Variants in HHLA2 observed in about 807,000 individuals in gnomAD.
The protein encoded by HHLA2 is HERV-H LTR-associating protein 2.
Under a neutral mutation model 45.9 loss-of-function variants are expected in HHLA2, and 48 were observed. The ratio of observed to expected loss-of-function variants is 1.05; its 90% confidence interval spans 0.83 to 1.33. The LOEUF (loss-of-function observed/expected upper bound fraction) is 1.33, where lower values mean the gene tolerates loss of function less well. Ranked by LOEUF, HHLA2 falls within the 40% of genes most tolerant of loss-of-function variation. The pLI is 0.00. For synonymous variants in HHLA2, 161 were observed against 173.9 expected (o/e 0.93, Z 0.59); for missense variants, 462 against 494.3 (o/e 0.93, Z 0.62).
intron 2 of HHLA2, among the ~76,000 whole-genome samples, chr3:108,320,451 C>T (rs114958262): frequency 0.024 from 3,651 of 152,238 alleles, 58 homozygotes; most frequent in Non-Finnish European, 0.036. Context: ...GCAAAGACCA[C>T]GATTACTTTT....
chr3:108,336,221 C>T (rs1274147233), intron 3 of HHLA2, among the ~76,000 whole-genome samples: 4 of 152,134 alleles, frequency 2.6e-5, no homozygotes, highest in Non-Finnish European at 4.4e-5. Flanking sequence ...TGACATTGTG[C>T]AATGGTCACT....
intron 8 of HHLA2, among the ~76,000 whole-genome samples, chr3:108,369,777 C>A (rs1019838327): frequency 2.0e-5 from 3 of 152,306 alleles, no homozygotes; most frequent in South Asian, 4.1e-4. Flanking sequence ...GGGCACCCAC[C>A]ATTGCCGAGG....
chr3:108,328,707 C>G (rs532888301), intron 3 of HHLA2, among the ~76,000 whole-genome samples: 1 of 152,102 alleles, frequency 6.6e-6, no homozygotes, highest in African/African-American at 2.4e-5. Context: ...TTTACTTTGT[C>G]TTATGACTAT....
At chr3:108,362,568 T>A in intron 8 of HHLA2, 122 bp downstream of exon 7, 1 of 675,388 alleles carries the variant, frequency 1.5e-6, no homozygotes, top group Non-Finnish European at 2.5e-6. Context: ...TGGAATGTCA[T>A]TCACAAAATT....
rs116498329 is a variant in HHLA2, at chr3:108,365,203, T to C, written c.1108+2757T>C. Among the ~76,000 whole-genome samples the C allele has an allele frequency of 3.3e-3, 509 of 152,280 alleles. 7 individuals are homozygous for C. Among genetic ancestry groups the C allele is most frequent in the African/African-American group, 0.012 (492 of 41,562 alleles). ...GTGTAAGGAAGGGGTCTAGCTTCTA[T>C]TTTCTGCATATGGCTAGCAAGTTTG... On this transcript the variant is annotated intron_variant, in intron 8 of 10. Transcript: ENST00000619531.
chr3:108,324,565 C>G (rs1432652410), intron 2 of HHLA2, among the ~76,000 whole-genome samples: 1 of 152,204 alleles, frequency 6.6e-6, no homozygotes, highest in African/African-American at 2.4e-5. Context: ...CCCTCCAAGT[C>G]ACTACCTTCT....
At chr3:108,296,580 G>A (rs1023439018) in exon 1 of HHLA2, 3 of 152,090 alleles carry the variant, frequency 2.0e-5, no homozygotes, top group Admixed American at 6.5e-5. Context: ...TTGACTAGAC[G>A]GTATGAATTT....
chr3:108,342,948 C>A (rs1233500483), intron 3 of HHLA2, among the ~76,000 whole-genome samples: 1 of 152,130 alleles, frequency 6.6e-6, no homozygotes, highest in Non-Finnish European at 1.5e-5. Context: ...GCCTGCATCT[C>A]TGTATTATGA....
At chr3:108,369,381 G>A (rs376260190) in intron 8 of HHLA2, among the ~76,000 whole-genome samples, 14 of 152,168 alleles carry the variant, frequency 9.2e-5, no homozygotes, top group Admixed American at 2.6e-4. Flanking sequence ...AGCTCCCAGC[G>A]TGAGCGACGC....
At chr3:108,355,429 G>C (rs745569888) in intron 6 of HHLA2, 48 bp downstream of exon 5, 12 of 1,555,062 alleles carry the variant, frequency 7.7e-6, no homozygotes, top group Non-Finnish European at 1.0e-5. Flanking sequence ...TCAAAGTTGG[G>C]GGGTAATGGG....
rs372264540 is a variant in HHLA2 at position 108,377,258 on chromosome 3, C to T, written c.1225C>T (p.Pro409Ser). ...TAGAGTCTATTTTTCTTGCTTCTAG[C>T]CTCTTTCAGGAAAAGTATAGGAAAT... Residue 409 changes from proline to serine, a missense_variant and splice_region_variant, in exon 11 of 11, where the codon CCT (proline) becomes TCT (serine). Around this residue, in one of 3 missense-constraint regions of HHLA2, gnomAD observed 123 missense variants for 110.5 expected, o/e 1.11. Coordinates refer to ENST00000619531, the Ensembl canonical transcript of HHLA2. 7.1e-6 allele frequency: 11 copies of T among 1,559,374 alleles called. No homozygotes were observed. In the African/African-American group the frequency reaches 9.5e-5, roughly 13 times the overall value.
chr3:108,329,160 G>T (rs541213969), intron 3 of HHLA2, among the ~76,000 whole-genome samples: 50 of 152,270 alleles, frequency 3.3e-4, no homozygotes, highest in Middle Eastern at 3.4e-3. Flanking sequence ...TATGTTCTCA[G>T]CATGTTAAGA....
intron 3 of HHLA2, among the ~76,000 whole-genome samples, chr3:108,331,041 C>T (rs988334115): frequency 2.6e-5 from 4 of 152,148 alleles, no homozygotes; most frequent in African/African-American, 9.7e-5. Context: ...GGCAAACAGT[C>T]TACAGCTGCC....
intron 7 of HHLA2, among the ~76,000 whole-genome samples, chr3:108,362,013 A>C (rs998577565): frequency 1.3e-5 from 2 of 152,104 alleles, no homozygotes; most frequent in African/African-American, 2.4e-5. Context: ...TTACCTCTCC[A>C]GTTTTCAGAC....
intron 1 of HHLA2, among the ~76,000 whole-genome samples, chr3:108,309,221 G>A (rs2080978695): frequency 6.6e-6 from 1 of 152,120 alleles, no homozygotes; most frequent in South Asian, 2.1e-4. Context: ...TCAGTCTTCT[G>A]CATATGGATA....
At chr3:108,363,032 G>A (rs1476450713) in intron 8 of HHLA2, among the ~76,000 whole-genome samples, 1 of 151,984 alleles carries the variant, frequency 6.6e-6, no homozygotes, top group East Asian at 1.9e-4. Context: ...TTTCTTATGG[G>A]TCATTTCATT....
At chr3:108,345,102 T>C (rs1331467439) in intron 3 of HHLA2, among the ~76,000 whole-genome samples, 2 of 152,156 alleles carry the variant, frequency 1.3e-5, no homozygotes, top group Non-Finnish European at 2.9e-5. Context: ...AGTGTTCTCA[T>C]TAACTGTATG....
At chr3:108,327,578 C>T (rs1191059261) in intron 2 of HHLA2, among the ~76,000 whole-genome samples, 1 of 152,138 alleles carries the variant, frequency 6.6e-6, no homozygotes, top group Non-Finnish European at 1.5e-5. Flanking sequence ...GTCTAGTCAG[C>T]TGTTAAATCA....
At chr3:108,358,103 T>C in exon 7 of HHLA2, 1 of 1,613,542 alleles carries the variant, frequency 6.2e-7, no homozygotes, top group South Asian at 1.1e-5. Context: ...GTGGGGAATA[T>C]TTATGCAATA....
Sources: gnomAD v4.1 joint callset for allele counts (sites outside exome capture counted in the v4.1 genomes callset) on GRCh38, gnomAD v4.1.1 for gene constraint, gnomAD v4.1.1 regional missense constraint, MANE v1.5 for transcripts, NCBI Gene and HGNC (gene_info 2026-07-23, HGNC 2026-07-21) for gene names.